The following COL19A1 variants were observed in gnomAD, a reference collection of about 807,000 sequenced individuals.
COL19A1 encodes the protein collagen alpha-1(XIX) chain.
In COL19A1, 159 loss-of-function variants were observed where a neutral mutation model predicts 190.2. The observed-to-expected ratio is 0.84, with a 90% CI of 0.73 to 0.95. The LOEUF (loss-of-function observed/expected upper bound fraction) is 0.95, where lower values mean the gene tolerates loss of function less well. Among genes scored for constraint, COL19A1 ranks in the 40% least tolerant of loss-of-function variants. The pLI is 0.00. For synonymous variants in COL19A1, 509 were observed against 458.9 expected (o/e 1.11, Z -1.39); for missense variants, 1,418 against 1,431.9 (o/e 0.99, Z 0.16).
At chr6:70,122,439 G>A (rs962288479) in intron 17 of COL19A1, among the ~76,000 whole-genome samples, 6 of 152,124 alleles carry the variant, frequency 3.9e-5, no homozygotes, top group African/African-American at 1.4e-4. Flanking sequence ...ATTTGGGATA[G>A]GCGGAATGCT....
At chr6:70,004,886 G>A (rs183442266) in intron 11 of COL19A1, among the ~76,000 whole-genome samples, 15 of 151,048 alleles carry the variant, frequency 9.9e-5, no homozygotes, top group Admixed American at 7.2e-4. Context: ...AAGCTGGAGT[G>A]CAGTGGCTCG....
chr6:69,878,379 A>G (rs568182315), intron 1 of COL19A1, among the ~76,000 whole-genome samples: 3 of 151,696 alleles, frequency 2.0e-5, no homozygotes, highest in Admixed American at 2.0e-4. Flanking sequence ...GTGCCTGACT[A>G]ATTTTTTTAT....
chr6:70,178,143 T>C (rs1765931260), intron 42 of COL19A1, among the ~76,000 whole-genome samples: 1 of 152,206 alleles, frequency 6.6e-6, no homozygotes, highest in African/African-American at 2.4e-5. Flanking sequence ...ATCCCAGCAC[T>C]CTGGGAGGCC....
At chr6:70,075,676 C>G (rs977115829) in intron 15 of COL19A1, among the ~76,000 whole-genome samples, 25 of 152,058 alleles carry the variant, frequency 1.6e-4, no homozygotes, top group African/African-American at 5.8e-4. Flanking sequence ...TAGTTACTGA[C>G]AGTGTGCCTG....
At chr6:70,189,058 A>G (rs1421777333) in intron 47 of COL19A1, among the ~76,000 whole-genome samples, 1 of 152,208 alleles carries the variant, frequency 6.6e-6, no homozygotes, top group Non-Finnish European at 1.5e-5. Context: ...CATTAATTAA[A>G]GTTCATTAAT....
At chr6:70,122,808 A>G (rs758060006) in intron 17 of COL19A1, among the ~76,000 whole-genome samples, 7 of 152,164 alleles carry the variant, frequency 4.6e-5, no homozygotes, top group Non-Finnish European at 8.8e-5. Flanking sequence ...TTGTTAAATG[A>G]CTAGCTAATT....
At chr6:70,152,056 A>C (rs77770509) in intron 31 of COL19A1, among the ~76,000 whole-genome samples, 1 of 150,698 alleles carries the variant, frequency 6.6e-6, no homozygotes, top group African/African-American at 2.4e-5. Context: ...CCTGTATTTT[A>C]TCAGTAAAAC....
At chr6:70,098,361 T>C in intron 15 of COL19A1, 1 of 494,530 alleles carries the variant, frequency 2.0e-6, no homozygotes, top group Non-Finnish European at 4.0e-6. Context: ...AAACAGAACA[T>C]TTATTGTGTG....
chr6:70,097,895 G>A (rs1358192607), intron 15 of COL19A1, among the ~76,000 whole-genome samples: 1 of 152,098 alleles, frequency 6.6e-6, no homozygotes, highest in East Asian at 1.9e-4. Context: ...ACCCTAACCA[G>A]GAAGACTTAT....
chr6:70,187,967 T>C, intron 46 of COL19A1, 108 bp from the exon 47 acceptor site: 1 of 1,291,800 alleles, frequency 7.7e-7, no homozygotes, highest in Non-Finnish European at 1.1e-6. Flanking sequence ...AAGTTATTTA[T>C]ACAAGGCCCA....
chr6:70,164,173 G>A (rs577739205), intron 36 of COL19A1, among the ~76,000 whole-genome samples: 4 of 152,172 alleles, frequency 2.6e-5, no homozygotes, highest in Non-Finnish European at 2.9e-5. Context: ...TTCCTGGGGA[G>A]ATCAGTTATT....
intron 11 of COL19A1, among the ~76,000 whole-genome samples, chr6:70,016,245 T>C (rs1391601786): frequency 5.1e-5 from 2 of 38,888 alleles, no homozygotes; most frequent in Non-Finnish European, 8.3e-5. Context: ...AGGGATAGCA[T>C]TGGGAGATAT....
At chr6:70,065,684 G>A (rs1346034042) in intron 14 of COL19A1, among the ~76,000 whole-genome samples, 2 of 152,036 alleles carry the variant, frequency 1.3e-5, no homozygotes, top group Middle Eastern at 3.2e-3. Flanking sequence ...CTACAGAATG[G>A]GAGAAAATTT....
At chr6:69,960,689 G>A (rs1354372363) in intron 10 of COL19A1, among the ~76,000 whole-genome samples, 1 of 149,722 alleles carries the variant, frequency 6.7e-6, no homozygotes, top group Non-Finnish European at 1.5e-5. Flanking sequence ...GAGTGCAGTG[G>A]CGCGATCTTG....
chr6:70,211,049 C>CTCTT lies in COL19A1; in HGVS notation c.*3777_*3778insTTTC, dbSNP rs56767789. Among the ~76,000 whole-genome samples the CTCTT allele has an allele frequency of 0.34, 51,881 of 151,506 alleles. 9,001 individuals are homozygous for CTCTT. The highest frequency in any genetic ancestry group is 0.43 in the East Asian group (2,205 of 5,152). On this transcript the variant is annotated 3_prime_UTR_variant, in exon 51 of 51. Coordinates refer to ENST00000620364, the MANE Select transcript of COL19A1 (RefSeq NM_001858.6). ...CTACTTTTTAGACAGGACAGATACT[C>CTCTT]TCAACAGACAAGAAAAAAGATTTAG...
chr6:69,915,628 G>T (rs1014887607), intron 4 of COL19A1, among the ~76,000 whole-genome samples: 1 of 152,138 alleles, frequency 6.6e-6, no homozygotes, highest in Non-Finnish European at 1.5e-5. Context: ...TTTACTGTGT[G>T]CCAGGAAAAC....
At chr6:70,155,491 A>G (rs113361734) in intron 31 of COL19A1, among the ~76,000 whole-genome samples, 1 of 152,266 alleles carries the variant, frequency 6.6e-6, no homozygotes, top group East Asian at 1.9e-4. Context: ...GCCTTCCCAG[A>G]TCAACTAAAG....
At chr6:70,156,614 T>G (rs1441807874) in intron 33 of COL19A1, 56 bp from the exon 34 acceptor site, 81 of 1,579,654 alleles carry the variant, frequency 5.1e-5, no homozygotes, top group Non-Finnish European at 5.4e-5. Flanking sequence ...TTTTTTTCAT[T>G]TCCAAAAGAT....
intron 25 of COL19A1, 133 bp downstream of exon 25, chr6:70,145,140 A>G (rs1396152572): frequency 1.4e-6 from 1 of 694,028 alleles, no homozygotes; most frequent in African/African-American, 1.8e-5. Context: ...CTTAAAACAG[A>G]ACTACCATTT....
Sources: gnomAD v4.1 joint callset for allele counts (sites outside exome capture counted in the v4.1 genomes callset) on GRCh38, gnomAD v4.1.1 for gene constraint, MANE v1.5 for transcripts, NCBI Gene and HGNC (gene_info 2026-07-23, HGNC 2026-07-21) for gene names.